Variants in PAX9 observed in about 807,000 individuals in gnomAD.
PAX9 encodes paired box protein Pax-9.
In PAX9, 6 loss-of-function variants were observed where a neutral mutation model predicts 29.1. The observed-to-expected ratio is 0.21, with a 90% CI of 0.11 to 0.41. The LOEUF is 0.41. Ranked by LOEUF, PAX9 falls within the 10% of genes least tolerant of loss-of-function variation. The probability of loss-of-function intolerance (pLI) is 1.00; values close to 1 mark genes in which losing one functional copy is unlikely to be tolerated. For missense variants in PAX9, 443 were observed against 479.1 expected, an observed-to-expected ratio of 0.92 and a Z score of 0.70; for synonymous variants, 217 against 211.7, an observed-to-expected ratio of 1.03 and a Z score of -0.22.
chr14:36,666,495 T>A lies in PAX9; in HGVS notation c.665T>A (p.Val222Glu). 6.2e-7 allele frequency: 1 copy of A among 1,609,588 alleles called. No individual in the cohort carries two copies. The highest frequency in any genetic ancestry group is 8.5e-7 in the Non-Finnish European group (1 of 1,178,406). Residue 222 changes from valine (V) to glutamate (E), a missense_variant, in exon 3 of 4, where the codon GTG (valine) becomes GAG (glutamate). Physicochemically the swap from Val to Glu is moderately radical, Grantham distance 121. Around this residue, in one of 2 missense-constraint regions of PAX9, gnomAD observed 336 missense variants for 317.2 expected, o/e 1.06. Transcript: ENST00000361487. ...AGCTCCCCCTACCACAGCCCCAAGGTGGAGGAGTGGAGCAGCCTGGGCCGC... is the reference window on the plus strand; with the variant it reads ...AGCTCCCCCTACCACAGCCCCAAGGAGGAGGAGTGGAGCAGCCTGGGCCGC... ...SDSSPYHSPK[V>E]EEWSSLGRNN... is the part of the protein sequence containing the mutation.
At chr14:36,672,477 A>C (rs1881720852) in intron 3 of PAX9, among the ~76,000 whole-genome samples, 1 of 152,184 alleles carries the variant, frequency 6.6e-6, no homozygotes, top group Non-Finnish European at 1.5e-5. Flanking sequence ...TTGCTTCATA[A>C]ATAACAATTA....
intron 3 of PAX9, 118 bp downstream of exon 3, chr14:36,666,719 C>G: frequency 7.6e-7 from 1 of 1,323,834 alleles, no homozygotes; most frequent in South Asian, 1.3e-5. Flanking sequence ...GCTGGCGTCC[C>G]TTTGCTGCTA....
upstream of PAX9, among the ~76,000 whole-genome samples, chr14:36,661,041 C>T (rs1881239268): frequency 6.6e-6 from 1 of 152,366 alleles, no homozygotes; most frequent in East Asian, 1.9e-4. Context: ...ACGCTGCCAC[C>T]GAGGGCCAGG....
At chr14:36,658,712 C>T (rs1475245195), upstream of PAX9, 1 of 152,286 alleles carries the variant, frequency 6.6e-6, no homozygotes, top group Non-Finnish European at 1.5e-5. Flanking sequence ...CCGCGGGCCG[C>T]TCTAGCGCCG....
intron 3 of PAX9, among the ~76,000 whole-genome samples, chr14:36,667,103 C>T (rs1470299234): frequency 1.3e-5 from 2 of 152,212 alleles, no homozygotes; most frequent in African/African-American, 4.8e-5. Context: ...CGGACTTTCT[C>T]TCCGGTGGCT....
chr14:36,666,641 G>A (rs1406464026), intron 3 of PAX9, 40 bp downstream of exon 3: 1 of 1,552,526 alleles, frequency 6.4e-7, no homozygotes, highest in South Asian at 1.2e-5. Flanking sequence ...CCGCGTGGCG[G>A]CGGGGATTTA....
chr14:36,669,791 C>A (rs1881640542), intron 3 of PAX9, among the ~76,000 whole-genome samples: 1 of 152,044 alleles, frequency 6.6e-6, no homozygotes, highest in African/African-American at 2.4e-5. Context: ...TCTAACTTGT[C>A]TTACATATTA....
upstream of PAX9, chr14:36,657,863 G>T (rs1355251698): frequency 6.6e-6 from 1 of 152,328 alleles, no homozygotes; most frequent in African/African-American, 2.4e-5. Flanking sequence ...TTCTCCTTGG[G>T]CTAGCGCGTC....
chr14:36,673,857 AT>A (rs1213078831), intron 3 of PAX9, among the ~76,000 whole-genome samples: 3 of 152,202 alleles, frequency 2.0e-5, no homozygotes, highest in African/African-American at 7.2e-5. Flanking sequence ...GATTTTTATT[AT>A]TTTAGAAGTA....
At chr14:36,668,821 A>G (rs1881602952) in intron 3 of PAX9, among the ~76,000 whole-genome samples, 1 of 152,198 alleles carries the variant, frequency 6.6e-6, no homozygotes, top group Non-Finnish European at 1.5e-5. Flanking sequence ...TAAATAATTG[A>G]TATTCTGATT....
In PAX9 at chr14:36,662,011, G is replaced by A; in HGVS notation, c.-79G>A. 1.9e-6 allele frequency: 3 copies of A among 1,542,506 alleles called. No individual in the cohort carries two copies. Among genetic ancestry groups the A allele is most frequent in the Non-Finnish European group, 2.6e-6 (3 of 1,139,740 alleles). On this transcript the variant is annotated 5_prime_UTR_variant, in exon 1 of 4. Coordinates refer to ENST00000361487, the MANE Select transcript of PAX9 (RefSeq NM_001372076.1). ...CGGCGGTCGGCCGGGATAGCAACAG[G>A]CCGGGCCACTGAGGCGGTGCGGAAA...
At chr14:36,670,313 A>G (rs1006308364) in intron 3 of PAX9, among the ~76,000 whole-genome samples, 1 of 152,080 alleles carries the variant, frequency 6.6e-6, no homozygotes, top group African/African-American at 2.4e-5. Context: ...TGTCAGAAAT[A>G]GAGAATAGTC....
intron 2 of PAX9, among the ~76,000 whole-genome samples, chr14:36,664,460 G>A (rs1425718064): frequency 6.6e-6 from 1 of 151,796 alleles, no homozygotes. Flanking sequence ...TCTCACCCCT[G>A]ACCTTGCCTA....
chr14:36,675,351 G>T (rs1009949624), intron 3 of PAX9, among the ~76,000 whole-genome samples: 6 of 152,152 alleles, frequency 3.9e-5, no homozygotes, highest in Non-Finnish European at 8.8e-5. Context: ...GACAGCACTG[G>T]TTTCTCGGCA....
rs145631675 is a variant in PAX9, at chr14:36,673,530, C to CAAAAAG, written c.772-2666_772-2665insAAAGAA. On this transcript the variant is annotated intron_variant, in intron 3 of 3. Transcript: ENST00000361487. ...CAGCATGTCTCTGAGGGCCATCTTC[C>CAAAAAG]AAGTGGGTCCATGTAAGGGGACCAT... Among the ~76,000 whole-genome samples, 8 of 151,988 alleles carry CAAAAAG rather than the reference C, an allele frequency of 5.3e-5. No homozygotes were observed. In the South Asian group the frequency reaches 1.0e-3, roughly 20 times the overall value.
rs1882030749 is a variant in PAX9 at position 36,678,713 on chromosome 14, T to TAA, written c.*2262_*2263dup. ...ATAATGTTATTTTCTTTATCTAAAT[T>TAA]AAGAAATCTCTTGTTATTGTGCTAT... is the stretch of plus-strand genomic sequence containing the variant. On this transcript the variant is annotated 3_prime_UTR_variant, in exon 4 of 4. Transcript: ENST00000361487. The TAA allele has an allele frequency of 1.6e-6, 2 of 1,215,180 alleles. No homozygotes were observed. Among genetic ancestry groups the TAA allele is most frequent in the South Asian group, 7.4e-5 (2 of 27,028 alleles). The allele number at this position is 1,215,180 out of a possible 1,614,324, so 75.3% of individuals were successfully genotyped here.
At chr14:36,664,012 A>G (rs1198883045) in intron 2 of PAX9, among the ~76,000 whole-genome samples, 1 of 152,236 alleles carries the variant, frequency 6.6e-6, no homozygotes. Flanking sequence ...AAATTGAAGT[A>G]TTCTCCGATT....
chr14:36,662,088 C>G lies in PAX9; in HGVS notation c.-2C>G. On this transcript the variant is annotated 5_prime_UTR_variant, in exon 1 of 4. Transcript: ENST00000361487. The stretch of plus-strand genomic sequence containing the variant: ...GGCCGGGTTGGTGTACTGCTCGGAG[C>G]AATGGGTGAGTGGCGGCGGGGGACT... The G allele has an allele frequency of 7.3e-7, 1 of 1,375,448 alleles. No homozygotes were observed. The highest frequency in any genetic ancestry group is 2.3e-5 in the Admixed American group (1 of 44,208). 85.2% of individuals were successfully genotyped at this position (1,375,448 alleles called of 1,614,324 possible).
At chr14:36,675,541 C>G (rs940693809) in intron 3 of PAX9, among the ~76,000 whole-genome samples, 2 of 152,208 alleles carry the variant, frequency 1.3e-5, no homozygotes, top group South Asian at 2.1e-4. Context: ...TGGGGAAAGA[C>G]AGTTTCCTTT....
Sources: allele counts gnomAD v4.1 joint callset (sites outside exome capture counted in the v4.1 genomes callset), GRCh38; gene constraint gnomAD v4.1.1; regional missense constraint gnomAD v4.1.1; transcripts MANE v1.5; gene names NCBI Gene and HGNC (gene_info 2026-07-23, HGNC 2026-07-21).